The following ILKAP variants were observed in gnomAD, a reference collection of about 807,000 sequenced individuals.
ILKAP encodes the protein ILK associated serine/threonine phosphatase, also known as integrin-linked kinase-associated serine/threonine phosphatase 2C.
ILKAP carries 11 observed loss-of-function variants against 49.1 expected under a neutral mutation model. The observed-to-expected ratio is 0.22, with a 90% CI of 0.14 to 0.37. ILKAP has a LOEUF of 0.37. Among genes scored for constraint, ILKAP ranks in the 10% least tolerant of loss-of-function variants. The pLI, the probability that ILKAP is intolerant of heterozygous loss-of-function variation, is 1.00. For missense variants in ILKAP, 363 were observed against 510.8 expected (o/e 0.71, Z 2.79); for synonymous variants, 186 against 192.8 (o/e 0.96, Z 0.29).
At chr2:238,184,573 T>C (rs1448761718) in intron 6 of ILKAP, among the ~76,000 whole-genome samples, 1 of 152,100 alleles carries the variant, frequency 6.6e-6, no homozygotes, top group Non-Finnish European at 1.5e-5. Context: ...TAAATTTTTT[T>C]TTCTGAGACT....
At position 238,181,961 on chromosome 2, in the gene ILKAP, C is replaced by G. The variant is rs1693712270; in HGVS notation, c.836+104G>C. Reference sequence around the variant, plus strand: ...AGATCTCAGACAGAGCCTCGTCACACTGAAGACTACGTAACAGGGGAAGTT... The same window carrying G: ...AGATCTCAGACAGAGCCTCGTCACAGTGAAGACTACGTAACAGGGGAAGTT... On this transcript the variant is annotated intron_variant, in intron 9 of 11. Coordinates refer to ENST00000254654, the MANE Select transcript of ILKAP (RefSeq NM_030768.3). 7.2e-6 allele frequency: 9 copies of G among 1,247,762 alleles called. No individual in the cohort carries two copies. In the African/African-American group the frequency reaches 1.3e-4, roughly 19 times the overall value. The allele number at this position is 1,247,762 out of a possible 1,614,324, so 77.3% of individuals were successfully genotyped here.
At chr2:238,183,051 T>C (rs544497065) in intron 8 of ILKAP, among the ~76,000 whole-genome samples, 91 of 152,242 alleles carry the variant, frequency 6.0e-4, no homozygotes, top group African/African-American at 2.1e-3. Flanking sequence ...ACGGAACACA[T>C]GGTCCTGATG....
At chr2:238,193,017 A>G (rs1694203286) in intron 3 of ILKAP, among the ~76,000 whole-genome samples, 2 of 151,746 alleles carry the variant, frequency 1.3e-5, no homozygotes, top group African/African-American at 4.8e-5. Context: ...CGTCTCAAGA[A>G]AAAAAAAATG....
At chr2:238,183,094 C>A (rs1016063513) in intron 8 of ILKAP, among the ~76,000 whole-genome samples, 2 of 152,144 alleles carry the variant, frequency 1.3e-5, no homozygotes, top group Admixed American at 1.3e-4. Flanking sequence ...CAGCTTTCCG[C>A]AGCAGCACCC....
intron 6 of ILKAP, among the ~76,000 whole-genome samples, chr2:238,184,904 G>C (rs1349245170): frequency 6.6e-6 from 1 of 152,036 alleles, no homozygotes; most frequent in African/African-American, 2.4e-5. Flanking sequence ...ATTTGAAGTT[G>C]GTTTACTAGT....
chr2:238,170,445 C>T lies in ILKAP; in HGVS notation c.*91G>A. On this transcript the variant is annotated 3_prime_UTR_variant, in exon 12 of 12. Transcript: ENST00000254654. ...ACCTTTATTTACAACCATGGGAGTC[C>T]CACAGGAGTACACAAAACACACAAT... The T allele has an allele frequency of 7.3e-7, 1 of 1,369,098 alleles. No individual in the cohort carries two copies. Among genetic ancestry groups the T allele is most frequent in the African/African-American group, 1.5e-5 (1 of 68,838 alleles). The allele number at this position is 1,369,098 out of a possible 1,614,324, so 84.8% of individuals were successfully genotyped here. A position where few individuals can be genotyped will look rare whatever the true frequency, so the allele number is the denominator to read the frequency against.
Position 238,189,594 on chromosome 2 carries a change from A to G in ILKAP, c.298+259T>C, listed in dbSNP as rs1444302018. 4 of 266,636 alleles carry G rather than the reference A, an allele frequency of 1.5e-5. No homozygotes were observed. The Admixed American group carries it at 2.1e-4, about 14-fold the overall frequency. 16.5% of individuals were successfully genotyped at this position (266,636 alleles called of 1,614,324 possible). ...CATTCACTGCAGAAGGCTAAGAAAA[A>G]AACCACCTGTATTTTTTAACTCTTG... On this transcript the variant is annotated intron_variant, in intron 4 of 11. Transcript: ENST00000254654.
At chr2:238,181,926 C>T in intron 9 of ILKAP, 139 bp downstream of exon 9, 1 of 857,580 alleles carries the variant, frequency 1.2e-6, no homozygotes. Flanking sequence ...CCACCTATGT[C>T]ACCAGTGTTA....
At chr2:238,198,811 T>G (rs1219427919) in intron 1 of ILKAP, among the ~76,000 whole-genome samples, 2 of 152,192 alleles carry the variant, frequency 1.3e-5, no homozygotes, top group Non-Finnish European at 2.9e-5. Context: ...TTGATCATAT[T>G]CAGGTTAAAG....
At chr2:238,172,562 C>G (rs1175449713) in intron 10 of ILKAP, among the ~76,000 whole-genome samples, 1 of 152,204 alleles carries the variant, frequency 6.6e-6, no homozygotes, top group Non-Finnish European at 1.5e-5. Flanking sequence ...CTTCAGAACA[C>G]CAGAGGCGGC....
intron 9 of ILKAP, among the ~76,000 whole-genome samples, chr2:238,179,562 C>T (rs1193274078): frequency 6.6e-6 from 1 of 152,132 alleles, no homozygotes; most frequent in Non-Finnish European, 1.5e-5. Context: ...AGAATATTCA[C>T]AAGGTACCAG....
At chr2:238,191,498 G>C (rs996884416) in intron 3 of ILKAP, among the ~76,000 whole-genome samples, 3 of 152,216 alleles carry the variant, frequency 2.0e-5, no homozygotes, top group Non-Finnish European at 1.5e-5. Context: ...CCCTGCATAA[G>C]GCAACACAGA....
intron 1 of ILKAP, among the ~76,000 whole-genome samples, chr2:238,200,952 A>T (rs1694543378): frequency 6.6e-6 from 1 of 152,262 alleles, no homozygotes; most frequent in Admixed American, 6.5e-5. Context: ...ACATGTAGGA[A>T]TAGCCACAGA....
intron 5 of ILKAP, 68 bp from the exon 6 acceptor site, chr2:238,185,355 T>G: frequency 2.0e-6 from 2 of 1,009,840 alleles, no homozygotes; most frequent in Non-Finnish European, 3.1e-6. Context: ...TTAAAGCTTT[T>G]AAATTTCGTC....
intron 3 of ILKAP, among the ~76,000 whole-genome samples, chr2:238,192,425 C>T (rs1261852050): frequency 6.6e-6 from 1 of 151,848 alleles, no homozygotes; most frequent in African/African-American, 2.4e-5. Context: ...TCGGGCCGGG[C>T]AAGGTCGCTC....
intron 9 of ILKAP, among the ~76,000 whole-genome samples, chr2:238,179,303 A>G (rs74730020): frequency 1.8e-4 from 28 of 152,326 alleles, no homozygotes; most frequent in Middle Eastern, 3.4e-3. Flanking sequence ...GAGTGAAAGG[A>G]AAACACTGAT....
intron 4 of ILKAP, among the ~76,000 whole-genome samples, chr2:238,189,288 C>T (rs929591343): frequency 3.3e-5 from 5 of 151,312 alleles, no homozygotes; most frequent in African/African-American, 7.3e-5. Context: ...CCAGCCTGGG[C>T]GACAGAGCGA....
intron 1 of ILKAP, among the ~76,000 whole-genome samples, chr2:238,195,559 A>G (rs913241118): frequency 3.3e-5 from 5 of 152,234 alleles, no homozygotes; most frequent in Non-Finnish European, 7.3e-5. Context: ...CTTTTTCCAC[A>G]TAAAATTTAA....
intron 3 of ILKAP, 45 bp from the exon 4 acceptor site, chr2:238,190,017 T>C (rs1574799262): frequency 3.7e-6 from 6 of 1,601,358 alleles, no homozygotes; most frequent in Middle Eastern, 3.3e-4. Context: ...CTGTAGACTG[T>C]TGGAAAAAGT....
Sources: allele counts gnomAD v4.1 joint callset (sites outside exome capture counted in the v4.1 genomes callset), GRCh38; gene constraint gnomAD v4.1.1; transcripts MANE v1.5; gene names NCBI Gene and HGNC (gene_info 2026-07-23, HGNC 2026-07-21).